ARHGAP39: variants seen among roughly 807,000 people sequenced by gnomAD.
The protein encoded by ARHGAP39 is Rho GTPase activating protein 39.
ARHGAP39 carries 44 observed loss-of-function variants against 106.9 expected under a neutral mutation model. That is an observed-to-expected ratio of 0.41 (90% confidence interval 0.32 to 0.53). The LOEUF (loss-of-function observed/expected upper bound fraction) is 0.53. Ranked by LOEUF, ARHGAP39 falls within the 20% of genes least tolerant of loss-of-function variation. The pLI is 0.21. For synonymous variants in ARHGAP39, 768 were observed against 693.2 expected (o/e 1.11, Z -1.69); for missense variants, 1,496 against 1,577.3 (o/e 0.95, Z 0.87).
intron 2 of ARHGAP39, among the ~76,000 whole-genome samples, chr8:144,589,825 G>A (rs1460402485): frequency 6.6e-6 from 1 of 152,228 alleles, no homozygotes; most frequent in Admixed American, 6.5e-5. Context: ...GTGAGGTGGG[G>A]GCTCAGGCCA....
the ARHGAP39 span, among the ~76,000 whole-genome samples, chr8:144,698,395 G>A: frequency 6.6e-6 from 1 of 152,178 alleles, no homozygotes; most frequent in African/African-American, 2.4e-5. Flanking sequence ...CCAGTCTCAG[G>A]TATTCCCTTT....
At chr8:144,637,028 T>C (rs1298409666) in intron 1 of ARHGAP39, among the ~76,000 whole-genome samples, 1 of 152,260 alleles carries the variant, frequency 6.6e-6, no homozygotes, top group Non-Finnish European at 1.5e-5. Flanking sequence ...GGGTCTAGGA[T>C]TTCCAGACGC....
chr8:144,662,515 A>T (rs1277845017), intron 1 of ARHGAP39, among the ~76,000 whole-genome samples: 1 of 107,926 alleles, frequency 9.3e-6, no homozygotes, highest in African/African-American at 3.7e-5. Flanking sequence ...CCCCGTCAGC[A>T]TTATCCACCT....
intron 3 of ARHGAP39, among the ~76,000 whole-genome samples, chr8:144,562,265 T>G (rs202130760): frequency 3.3e-5 from 2 of 60,522 alleles, no homozygotes; most frequent in Non-Finnish European, 9.1e-5. Flanking sequence ...GTTTCCATCG[T>G]GCTCCAGTGG....
intron 3 of ARHGAP39, among the ~76,000 whole-genome samples, chr8:144,560,396 T>C (rs754130935): frequency 6.6e-5 from 10 of 152,128 alleles, no homozygotes; most frequent in Non-Finnish European, 1.0e-4. Flanking sequence ...GATCTTGCCA[T>C]TGCACTCCAG....
intron 1 of ARHGAP39, among the ~76,000 whole-genome samples, chr8:144,652,786 G>A (rs1289069980): frequency 6.6e-6 from 1 of 152,048 alleles, no homozygotes; most frequent in Non-Finnish European, 1.5e-5. Context: ...GAGGGAGGGA[G>A]AGGAGCATAA....
In ARHGAP39 at chr8:144,563,307, T is replaced by G. The variant is rs773706456; in HGVS notation, c.513-7664A>C. ...CACGAACTTCATGCACTCTCATGACTCAGCCATCATTAGTTCCATGAATTT... is the reference window on the plus strand; with the variant it reads ...CACGAACTTCATGCACTCTCATGACGCAGCCATCATTAGTTCCATGAATTT... On this transcript the variant is annotated intron_variant, in intron 3 of 11. Transcript: ENST00000377307. Among the ~76,000 whole-genome samples the G allele has an allele frequency of 3.3e-5, 5 of 152,360 alleles. No homozygotes were observed. The South Asian group carries it at 8.3e-4, about 25-fold the overall frequency.
chr8:144,679,751 C>T lies in ARHGAP39; in HGVS notation c.-82+5935G>A, dbSNP rs185350203. ...ATCCCAGCACTTTGGGAGGCCAAGG[C>T]GGGCGGATCACGAGGTCAGGAGATC... On this transcript the variant is annotated intron_variant, in intron 1 of 11. Coordinates refer to ENST00000377307, the MANE Select transcript of ARHGAP39 (RefSeq NM_025251.3). The surrounding 1 kb of genome is among the most constrained non-coding windows in gnomAD (Gnocchi z 4.7). 1.3e-4 allele frequency among the ~76,000 whole-genome samples: 20 copies of T among 152,292 alleles called. No homozygotes were observed. In the East Asian group the frequency reaches 3.1e-3, roughly 24 times the overall value.
chr8:144,633,225 G>A (rs1198249882), intron 1 of ARHGAP39, among the ~76,000 whole-genome samples: 3 of 152,136 alleles, frequency 2.0e-5, no homozygotes, highest in African/African-American at 4.8e-5. Flanking sequence ...TCGGGAAGCC[G>A]AGGCAGGTGG....
At chr8:144,652,009 T>A (rs114000859) in intron 1 of ARHGAP39, among the ~76,000 whole-genome samples, 1 of 151,980 alleles carries the variant, frequency 6.6e-6, no homozygotes. Context: ...GACACAGGAA[T>A]AGGAAAAGAT....
In ARHGAP39 at chr8:144,684,907, G is replaced by C. The variant is rs1299014349; in HGVS notation, c.-82+779C>G. ...CCATGTCCGCTCCCTGCGCCCCGGG[G>C]ACAAAGCCCGAGGCTGCACCGCAGC... is the stretch of plus-strand genomic sequence containing the variant. On this transcript the variant is annotated intron_variant, in intron 1 of 11. Transcript: ENST00000377307. The surrounding 1 kb of genome is among the most constrained non-coding windows in gnomAD (Gnocchi z 4.4). Among the ~76,000 whole-genome samples, 1 of 152,196 alleles carries C rather than the reference G, an allele frequency of 6.6e-6. No homozygotes were observed.
At chr8:144,654,049 C>T (rs970355721) in intron 1 of ARHGAP39, among the ~76,000 whole-genome samples, 4 of 152,142 alleles carry the variant, frequency 2.6e-5, no homozygotes, top group African/African-American at 4.8e-5. Flanking sequence ...GTAGTGAACC[C>T]GAAGGTGGCA....
chr8:144,535,025 G>A (rs1420244734), intron 7 of ARHGAP39, among the ~76,000 whole-genome samples: 3 of 152,226 alleles, frequency 2.0e-5, no homozygotes, highest in Admixed American at 6.5e-5. Context: ...GCTGTCTGGG[G>A]CCAGGGGAGC....
At position 144,546,008 on chromosome 8, in the gene ARHGAP39, C is replaced by T. The variant is rs553197025; in HGVS notation, c.1960-198G>A. ...AGCCCGTCCACAGATGCAGCTGGGA[C>T]GCCGGAGCCCTGTACTCCCAGGGTG... On this transcript the variant is annotated intron_variant, in intron 5 of 11. Transcript: ENST00000377307. Among the ~76,000 whole-genome samples, 11 of 152,328 alleles carry T rather than the reference C, an allele frequency of 7.2e-5. No individual in the cohort carries two copies. The East Asian group carries it at 1.9e-3, about 27-fold the overall frequency.
Position 144,547,635 on chromosome 8 carries a change from G to C in ARHGAP39, c.1451C>G (p.Ser484Cys), listed in dbSNP as rs773695564. ...SWSSQQDTLS[S>C]TGYSPGTRKR... is the part of the protein sequence containing the mutation. ...GCGCGTGCCCGGGGAGTAGCCTGTG[G>C]AGGACAGGGTGTCCTGCTGGCTGGA... The change falls in exon 5 of 12, where the codon TCC becomes TGC. Residue 484 changes from serine (S) to cysteine (C), a missense_variant. This residue lies in a region of ARHGAP39 where 905 missense variants were observed against 816.4 expected (regional missense o/e 1.11). Transcript: ENST00000377307. The surrounding 1 kb of genome is among the most constrained non-coding windows in gnomAD (Gnocchi z 5.2). 6.6e-7 allele frequency: 1 copy of C among 1,523,566 alleles called. No homozygotes were observed. The highest frequency in any genetic ancestry group is 1.2e-5 in the South Asian group (1 of 81,582). The allele number at this position is 1,523,566 out of a possible 1,614,324, so 94.4% of individuals were successfully genotyped here.
intron 1 of ARHGAP39, among the ~76,000 whole-genome samples, chr8:144,614,299 G>A (rs1466583504): frequency 1.3e-5 from 2 of 151,370 alleles, no homozygotes; most frequent in African/African-American, 2.4e-5. Context: ...TTGGATGCCA[G>A]ACATTATGAA....
At chr8:144,534,917 G>A (rs1057027084) in intron 7 of ARHGAP39, among the ~76,000 whole-genome samples, 1 of 152,220 alleles carries the variant, frequency 6.6e-6, no homozygotes, top group African/African-American at 2.4e-5. Context: ...CCAGGGGAAG[G>A]TGCTAGAGGG....
chr8:144,581,804 C>T (rs988949953), intron 2 of ARHGAP39, among the ~76,000 whole-genome samples: 1 of 152,172 alleles, frequency 6.6e-6, no homozygotes, highest in African/African-American at 2.4e-5. Context: ...GGCTCTCAGA[C>T]CCCCGATGGG....
At chr8:144,572,266 T>C (rs1818613870) in intron 3 of ARHGAP39, among the ~76,000 whole-genome samples, 1 of 152,204 alleles carries the variant, frequency 6.6e-6, no homozygotes, top group Admixed American at 6.5e-5. Context: ...ATGGTACTGG[T>C]ACCAGAACAG....
Sources: allele counts gnomAD v4.1 joint callset (sites outside exome capture counted in the v4.1 genomes callset), GRCh38; gene constraint gnomAD v4.1.1; regional missense constraint gnomAD v4.1.1; non-coding constraint Gnocchi (gnomAD v3.1); transcripts MANE v1.5; gene names NCBI Gene and HGNC (gene_info 2026-07-23, HGNC 2026-07-21).